The following ERP44 variants were observed in gnomAD, a reference collection of about 807,000 sequenced individuals.
ERP44 encodes endoplasmic reticulum resident protein 44.
Under a neutral mutation model 53.4 loss-of-function variants are expected in ERP44, and 25 were observed. The observed-to-expected ratio is 0.47, with a 90% confidence interval of 0.34 to 0.65. The LOEUF is 0.65. Ranked by LOEUF, ERP44 falls within the 30% of genes least tolerant of loss-of-function variation. ERP44 has a pLI of 0.01. For missense variants in ERP44, 338 were observed against 493.2 expected (o/e 0.69, Z 2.98); for synonymous variants, 145 against 161.2 (o/e 0.90, Z 0.76).
At chr9:100,031,690 T>C (rs1235477931) in intron 4 of ERP44, among the ~76,000 whole-genome samples, 1 of 152,224 alleles carries the variant, frequency 6.6e-6, no homozygotes, top group Non-Finnish European at 1.5e-5. Flanking sequence ...AACTGTTTTT[T>C]TTTAAGAGTG....
At chr9:100,064,682 G>A (rs570260308) in intron 1 of ERP44, among the ~76,000 whole-genome samples, 1 of 152,232 alleles carries the variant, frequency 6.6e-6, no homozygotes, top group Admixed American at 6.5e-5. Context: ...GTTAATGAGA[G>A]GCTACATATA....
At position 100,018,323 on chromosome 9, in the gene ERP44, G is replaced by A. The variant is rs1191047776; in HGVS notation, c.588-10C>T. 3 of 1,559,086 alleles carry A rather than the reference G, an allele frequency of 1.9e-6. No individual in the cohort carries two copies. In the Middle Eastern group the frequency reaches 5.0e-4, roughly 262 times the overall value. ...CGGTTTTGAAACATCCCTATAGGAA[G>A]GGAGAAATAGTAATAAACCTGAATG... On this transcript the variant is annotated splice_polypyrimidine_tract_variant and intron_variant, in intron 6 of 11. Transcript: ENST00000262455.
rs35741411 is a variant in ERP44, at chr9:100,061,584, A to G, written c.58-1412T>C. On this transcript the variant is annotated intron_variant, in intron 1 of 11. Transcript: ENST00000262455. ...GAAACGTATATATTTATAGAAACGT[A>G]TATATTTATAGAAATATATATATTT... Among the ~76,000 whole-genome samples, 194 of 147,084 alleles carry G rather than the reference A, an allele frequency of 1.3e-3. 1 individual carries two copies. Among genetic ancestry groups the G allele is most frequent in the Non-Finnish European group, 2.1e-3 (139 of 66,802 alleles).
At chr9:100,034,845 C>T (rs538459384) in intron 4 of ERP44, among the ~76,000 whole-genome samples, 3 of 152,214 alleles carry the variant, frequency 2.0e-5, no homozygotes, top group Non-Finnish European at 4.4e-5. Flanking sequence ...CTATGATAAC[C>T]AGAACAGTAA....
intron 8 of ERP44, among the ~76,000 whole-genome samples, chr9:100,015,934 C>G (rs1352657302): frequency 2.6e-5 from 4 of 152,274 alleles, no homozygotes; most frequent in Non-Finnish European, 4.4e-5. Context: ...CCGTAATGCT[C>G]TCTCGCTGGG....
rs770280808 is a variant in ERP44 at position 99,984,991 on chromosome 9, G to C, written c.1095C>G (p.Asp365Glu). 4 of 1,612,410 alleles carry C rather than the reference G, an allele frequency of 2.5e-6. No individual in the cohort carries two copies. Among genetic ancestry groups the C allele is most frequent in the African/African-American group, 2.7e-5 (2 of 74,888 alleles). The change falls in exon 11 of 12, where the codon GAC becomes GAG. Residue 365 changes from aspartate (D) to glutamate (E), a missense_variant. Transcript: ENST00000262455. Reference protein sequence around the residue: ...KLHREFHHGPDPTDTAPGEQA... With the variant: ...KLHREFHHGPEPTDTAPGEQA... The stretch of plus-strand genomic sequence containing the variant: ...CCTCTCCTGGGGCTGTATCAGTTGG[G>C]TCAGGTCCATGATGGAATTCTCTGT...
intron 1 of ERP44, among the ~76,000 whole-genome samples, chr9:100,085,625 TGCA>T: frequency 6.6e-6 from 1 of 152,194 alleles, no homozygotes; most frequent in South Asian, 2.1e-4. Context: ...ACTGGCTGGG[TGCA>T]GTGGCTCACG....
chr9:99,989,686 T>G (rs1322921433), intron 10 of ERP44, among the ~76,000 whole-genome samples: 1 of 151,798 alleles, frequency 6.6e-6, no homozygotes, highest in Non-Finnish European at 1.5e-5. Context: ...AGCAGGAAAG[T>G]TGACAGAAGT....
In ERP44 at chr9:100,094,362, A is replaced by T. The variant is rs182143999; in HGVS notation, c.57+4422T>A. Among the ~76,000 whole-genome samples the T allele has an allele frequency of 2.7e-3, 413 of 152,274 alleles. 2 individuals are homozygous for T. The highest frequency in any genetic ancestry group is 9.4e-3 in the African/African-American group (392 of 41,568). ...GGGACATAAAATTGAAAAAGTTTTT[A>T]AAAAAGTATTCCAGGCCGGGCGTGG... On this transcript the variant is annotated intron_variant, in intron 1 of 11. Coordinates refer to ENST00000262455, the MANE Select transcript of ERP44 (RefSeq NM_015051.3).
At chr9:100,038,783 G>T (rs1825871822) in intron 4 of ERP44, among the ~76,000 whole-genome samples, 1 of 151,626 alleles carries the variant, frequency 6.6e-6, no homozygotes, top group Admixed American at 6.6e-5. Context: ...GACATACATA[G>T]ACTGAAAATA....
At chr9:100,074,781 A>C (rs1368330561) in intron 1 of ERP44, among the ~76,000 whole-genome samples, 1 of 152,204 alleles carries the variant, frequency 6.6e-6, no homozygotes, top group African/African-American at 2.4e-5. Context: ...GGGACCCAAA[A>C]TGTCATCGTG....
At chr9:99,998,718 A>AT in intron 10 of ERP44, 1 of 723,886 alleles carries the variant, frequency 1.4e-6, no homozygotes, top group Non-Finnish European at 2.5e-6. Context: ...GGTTTATCTC[A>AT]TTTTTTGCAT....
At chr9:100,095,652 A>C (rs191379009) in intron 1 of ERP44, among the ~76,000 whole-genome samples, 1 of 152,182 alleles carries the variant, frequency 6.6e-6, no homozygotes, top group East Asian at 1.9e-4. Context: ...GATATAACTG[A>C]CCTGGTATTG....
intron 4 of ERP44, among the ~76,000 whole-genome samples, chr9:100,023,445 T>TTTG (rs1554707584): frequency 7.1e-6 from 1 of 141,772 alleles, no homozygotes. Context: ...TTTTTTTTTT[T>TTTG]GAAGACAGGG....
chr9:100,032,321 A>AT (rs1479555949), intron 4 of ERP44, among the ~76,000 whole-genome samples: 1 of 152,212 alleles, frequency 6.6e-6, no homozygotes, highest in Non-Finnish European at 1.5e-5. Flanking sequence ...TCTTCTGTGT[A>AT]TTTATATATG....
At chr9:100,016,510 T>C (rs775144989) in intron 7 of ERP44, 72 bp from the exon 8 acceptor site, 29 of 1,454,452 alleles carry the variant, frequency 2.0e-5, no homozygotes, top group Non-Finnish European at 2.2e-5. Flanking sequence ...TTTTTTTCTT[T>C]ATATTTTTTA....
At chr9:100,042,431 A>C (rs1191415801) in intron 4 of ERP44, among the ~76,000 whole-genome samples, 5 of 152,348 alleles carry the variant, frequency 3.3e-5, no homozygotes, top group African/African-American at 1.2e-4. Context: ...GTATAAGGTG[A>C]AAAGAGAACC....
Position 99,982,100 on chromosome 9 carries a change from CA to C in ERP44, c.*511del, listed in dbSNP as rs770127645. The stretch of plus-strand genomic sequence containing the variant: ...CAAAAAAATACCACTATGGAATTTT[CA>C]TAAGCAATATCCAACCAATCAGTAA... On this transcript the variant is annotated 3_prime_UTR_variant, in exon 12 of 12. Transcript: ENST00000262455. 6.6e-6 allele frequency: 1 copy of C among 152,630 alleles called. No homozygotes were observed. The allele number at this position is 152,630 out of a possible 1,614,324, so 9.5% of individuals were successfully genotyped here.
At chr9:100,081,196 A>G (rs1299675522) in intron 1 of ERP44, among the ~76,000 whole-genome samples, 1 of 152,118 alleles carries the variant, frequency 6.6e-6, no homozygotes, top group African/African-American at 2.4e-5. Flanking sequence ...TATAAAAGAT[A>G]GTAATTCCAA....
Sources: allele counts gnomAD v4.1 joint callset (sites outside exome capture counted in the v4.1 genomes callset), GRCh38; gene constraint gnomAD v4.1.1; transcripts MANE v1.5; gene names NCBI Gene and HGNC (gene_info 2026-07-23, HGNC 2026-07-21).